TENM2: variants seen among roughly 807,000 people sequenced by gnomAD.
TENM2 encodes the protein teneurin transmembrane protein 2, also known as teneurin-2.
In TENM2, 52 loss-of-function variants were observed where a neutral mutation model predicts 245.2. The observed-to-expected ratio is 0.21, with a 90% CI of 0.17 to 0.27. The LOEUF (loss-of-function observed/expected upper bound fraction) is 0.27, where lower values mean the gene tolerates loss of function less well. Among genes scored for constraint, TENM2 ranks in the 10% least tolerant of loss-of-function variants. TENM2 has a pLI of 1.00. For synonymous variants in TENM2, 1,363 were observed against 1,438.9 expected (o/e 0.95, Z 1.19); for missense variants, 3,046 against 3,666.8 (o/e 0.83, Z 4.37).
chr5:168,143,928 C>T (rs1381928134), intron 12 of TENM2, among the ~76,000 whole-genome samples: 1 of 144,744 alleles, frequency 6.9e-6, no homozygotes, highest in African/African-American at 2.6e-5. Flanking sequence ...CGGCTCACTG[C>T]AACCTCCGTT....
At chr5:168,084,057 T>C (rs1792233274) in intron 7 of TENM2, among the ~76,000 whole-genome samples, 1 of 152,242 alleles carries the variant, frequency 6.6e-6, no homozygotes, top group Non-Finnish European at 1.5e-5. Context: ...CTTAGAATGA[T>C]GGCCTCCAGC....
the TENM2 span, among the ~76,000 whole-genome samples, chr5:167,102,142 C>T: frequency 1.3e-5 from 2 of 150,640 alleles, no homozygotes; most frequent in Non-Finnish European, 2.9e-5. Context: ...AGGAGAATTG[C>T]GTGAATCCAG....
At chr5:167,787,525 C>T (rs540860666) in intron 2 of TENM2, among the ~76,000 whole-genome samples, 120 of 152,276 alleles carry the variant, frequency 7.9e-4, no homozygotes, top group Non-Finnish European at 1.4e-3. Context: ...TCACTTTGTT[C>T]AGGGCCTGCA....
chr5:167,054,713 A>T, the TENM2 span, among the ~76,000 whole-genome samples: 4 of 152,212 alleles, frequency 2.6e-5, no homozygotes, highest in East Asian at 7.7e-4. Flanking sequence ...AGTGTCTTAA[A>T]TTTTGCCATT....
chr5:167,143,154 C>T, the TENM2 span, among the ~76,000 whole-genome samples: 10 of 152,162 alleles, frequency 6.6e-5, no homozygotes, highest in Non-Finnish European at 1.5e-4. Context: ...CAAATCTGTG[C>T]AGTCCTGTTG....
At chr5:168,138,247 A>C (rs919915120) in intron 12 of TENM2, among the ~76,000 whole-genome samples, 6 of 152,226 alleles carry the variant, frequency 3.9e-5, no homozygotes, top group African/African-American at 1.2e-4. Flanking sequence ...TGTGTCTTCA[A>C]TAAGCCTCAG....
At chr5:167,497,328 G>A (rs2127551550) in intron 2 of TENM2, among the ~76,000 whole-genome samples, 1 of 152,154 alleles carries the variant, frequency 6.6e-6, no homozygotes, top group South Asian at 2.1e-4. Flanking sequence ...TAGCTGGCTG[G>A]CAGCAGCGTT....
chr5:167,723,555 G>C (rs875208), intron 2 of TENM2, among the ~76,000 whole-genome samples: 74,340 of 152,060 alleles, frequency 0.49, 20,562 homozygotes, highest in East Asian at 0.78. Flanking sequence ...CAGGAAGGCT[G>C]TCCACCATTT....
intron 1 of TENM2, among the ~76,000 whole-genome samples, chr5:167,337,696 C>T (rs1244173656): frequency 2.0e-5 from 3 of 151,946 alleles, no homozygotes; most frequent in Non-Finnish European, 4.4e-5. Context: ...GAAAGCTTGA[C>T]GTTGCAAAAA....
At chr5:167,635,422 T>A (rs1393324296) in intron 2 of TENM2, among the ~76,000 whole-genome samples, 1 of 152,008 alleles carries the variant, frequency 6.6e-6, no homozygotes, top group Non-Finnish European at 1.5e-5. Flanking sequence ...TTCCTGAGAA[T>A]GTTTTCCAGG....
At chr5:167,091,129 T>C in the TENM2 span, among the ~76,000 whole-genome samples, 852 of 152,292 alleles carry the variant, frequency 5.6e-3, 10 homozygotes, top group Admixed American at 0.016. Context: ...GAATTTTTTT[T>C]TAAATAAGAA....
intron 10 of TENM2, among the ~76,000 whole-genome samples, chr5:168,120,836 G>A (rs991023605): frequency 1.3e-5 from 2 of 152,140 alleles, no homozygotes; most frequent in African/African-American, 4.8e-5. Context: ...AATGGCCATG[G>A]CAATGAAATC....
chr5:167,341,460 A>C (rs1235543847), intron 1 of TENM2, among the ~76,000 whole-genome samples: 1 of 152,018 alleles, frequency 6.6e-6, no homozygotes, highest in African/African-American at 2.4e-5. Flanking sequence ...GACAAATTTT[A>C]CAGCTTCTTT....
At chr5:167,733,041 A>AGAAAG (rs1760545383) in intron 2 of TENM2, among the ~76,000 whole-genome samples, 1 of 151,588 alleles carries the variant, frequency 6.6e-6, no homozygotes, top group African/African-American at 2.4e-5. Context: ...TTTCTGGAGC[A>AGAAAG]GAAAGGGCAA....
chr5:168,029,596 C>T (rs1265811677), intron 5 of TENM2, among the ~76,000 whole-genome samples: 1 of 152,204 alleles, frequency 6.6e-6, no homozygotes, highest in Non-Finnish European at 1.5e-5. Flanking sequence ...GGCAATTGCT[C>T]TGCCAAACTG....
chr5:167,293,509 C>T (rs891230071), intron 1 of TENM2, among the ~76,000 whole-genome samples: 3 of 151,768 alleles, frequency 2.0e-5, no homozygotes, highest in African/African-American at 4.8e-5. Context: ...CATGAGCCAC[C>T]GCACCTGGCC....
At chr5:168,099,820 T>C (rs1318846385) in intron 9 of TENM2, among the ~76,000 whole-genome samples, 1 of 152,210 alleles carries the variant, frequency 6.6e-6, no homozygotes, top group African/African-American at 2.4e-5. Flanking sequence ...GGCACGTGCG[T>C]GAGACTTAAT....
In TENM2 at chr5:168,226,152, C is replaced by T. The variant is rs377648955; in HGVS notation, c.5173C>T (p.Arg1725Trp). 83 of 1,613,504 alleles carry T rather than the reference C, an allele frequency of 5.1e-5. No homozygotes were observed. Among genetic ancestry groups the T allele is most frequent in the East Asian group, 6.7e-5 (3 of 44,866 alleles). Residue 1725 changes from arginine to tryptophan, a missense_variant, in exon 24 of 29, where the codon CGG becomes TGG. By Grantham distance (101) the Arg-to-Trp change is moderately radical. This residue lies in a region of TENM2 where 2,704 missense variants were observed against 3,331.9 expected (regional missense o/e 0.81). Coordinates refer to ENST00000518659, the Ensembl canonical transcript of TENM2. ...CACGGGGGTGGTAACCAGTCTGCAC[C>T]GGGAAATGGAGAAATCTATTACCAT...
intron 2 of TENM2, among the ~76,000 whole-genome samples, chr5:167,408,054 A>G (rs1211724406): frequency 3.3e-5 from 5 of 152,144 alleles, no homozygotes; most frequent in Non-Finnish European, 4.4e-5. Flanking sequence ...TCTAAACTCC[A>G]TTGCATTTCC....
Sources: allele counts gnomAD v4.1 joint callset (sites outside exome capture counted in the v4.1 genomes callset), GRCh38; gene constraint gnomAD v4.1.1; regional missense constraint gnomAD v4.1.1; transcripts MANE v1.5; gene names NCBI Gene and HGNC (gene_info 2026-07-23, HGNC 2026-07-21).